CCDC63: variants seen among roughly 807,000 people sequenced by gnomAD.
CCDC63 encodes coiled-coil domain-containing protein 63.
Under a neutral mutation model 63.6 loss-of-function variants are expected in CCDC63, and 54 were observed. That is an observed-to-expected ratio of 0.85 (90% CI 0.68 to 1.07). The LOEUF is 1.07. Among genes scored for constraint, CCDC63 ranks in the 50% least tolerant of loss-of-function variants. The probability of loss-of-function intolerance (pLI) is 0.00; values close to 1 mark genes in which losing one functional copy is unlikely to be tolerated. For synonymous variants in CCDC63, 253 were observed against 266.1 expected (o/e 0.95, Z 0.48); for missense variants, 637 against 689.6 (o/e 0.92, Z 0.86).
chr12:110,893,232 C>T, intron 9 of CCDC63, 82 bp downstream of exon 9: 4 of 1,160,804 alleles, frequency 3.4e-6, no homozygotes, highest in Non-Finnish European at 5.1e-6. Flanking sequence ...GTCTGTCTGT[C>T]CGTCGGGCAT....
At chr12:110,868,428 C>G (rs908192803) in intron 4 of CCDC63, among the ~76,000 whole-genome samples, 1 of 150,692 alleles carries the variant, frequency 6.6e-6, no homozygotes, top group Non-Finnish European at 1.5e-5. Context: ...CCACTGCACT[C>G]CAGTCTGGGC....
At chr12:110,845,356 G>C (rs905878825), upstream of CCDC63, among the ~76,000 whole-genome samples, 5 of 152,114 alleles carry the variant, frequency 3.3e-5, no homozygotes, top group African/African-American at 4.8e-5. Flanking sequence ...TTGGGGCTGT[G>C]GTTTCAGTCA....
intron 10 of CCDC63, 131 bp downstream of exon 10, chr12:110,899,256 C>G: frequency 2.6e-6 from 2 of 765,448 alleles, no homozygotes; most frequent in South Asian, 4.1e-5. Flanking sequence ...GCCAGCCTGC[C>G]TGGGTTTGAA....
rs2071452617 is a variant in CCDC63, at chr12:110,899,106, C to G, written c.1323C>G (p.Ile441Met). 6.2e-7 allele frequency: 1 copy of G among 1,612,052 alleles called. No individual in the cohort carries two copies. Among genetic ancestry groups the G allele is most frequent in the Non-Finnish European group, 8.5e-7 (1 of 1,179,256 alleles). ...GGGAGACGGGGAAAGTCACTGACATCAACCTTCCGCAGTATTTTGGTGAGT... is the reference window on the plus strand; with the variant it reads ...GGGAGACGGGGAAAGTCACTGACATGAACCTTCCGCAGTATTTTGGTGAGT... ...QLGETGKVTD[I>M]NLPQYFAIIE... The change falls in exon 10 of 12, where the codon ATC (isoleucine) becomes ATG (methionine). Residue 441 changes from isoleucine (I) to methionine (M), a missense_variant. Coordinates refer to ENST00000308208, the MANE Select transcript of CCDC63 (RefSeq NM_152591.3).
chr12:110,894,976 G>T (rs927597145), intron 9 of CCDC63, among the ~76,000 whole-genome samples: 5 of 151,002 alleles, frequency 3.3e-5, no homozygotes, highest in Non-Finnish European at 7.4e-5. Flanking sequence ...GTGCAGTGGC[G>T]CGATCTCCGC....
chr12:110,870,378 A>G (rs1252407503), intron 4 of CCDC63, among the ~76,000 whole-genome samples: 1 of 152,316 alleles, frequency 6.6e-6, no homozygotes, highest in African/African-American at 2.4e-5. Context: ...CACAGCACCC[A>G]GTCCTTTATT....
chr12:110,855,346 C>T (rs1052807558), intron 3 of CCDC63, among the ~76,000 whole-genome samples: 5 of 152,184 alleles, frequency 3.3e-5, no homozygotes, highest in Non-Finnish European at 2.9e-5. Flanking sequence ...AGGCCACAAC[C>T]TGCACATCTG....
intron 4 of CCDC63, among the ~76,000 whole-genome samples, chr12:110,869,191 T>C (rs2071030163): frequency 6.6e-6 from 1 of 152,208 alleles, no homozygotes; most frequent in East Asian, 1.9e-4. Context: ...ACAAACTTTA[T>C]ATTTCACAAC....
At chr12:110,856,665 T>TCAGA (rs1345102297) in intron 3 of CCDC63, among the ~76,000 whole-genome samples, 1 of 63,852 alleles carries the variant, frequency 1.6e-5, no homozygotes, top group Non-Finnish European at 3.0e-5. Flanking sequence ...TATGGGCCCC[T>TCAGA]CAGAGAACAT....
At chr12:110,901,578 C>T (rs887956411) in intron 10 of CCDC63, among the ~76,000 whole-genome samples, 31 of 151,940 alleles carry the variant, frequency 2.0e-4, no homozygotes, top group African/African-American at 6.8e-4. Flanking sequence ...CCACCTCCCT[C>T]CCACCTGCCA....
At chr12:110,884,646 G>A (rs1197839412) in intron 8 of CCDC63, among the ~76,000 whole-genome samples, 1 of 152,028 alleles carries the variant, frequency 6.6e-6, no homozygotes, top group Non-Finnish European at 1.5e-5. Flanking sequence ...AAAGTACTGA[G>A]ATTACAAGTG....
At chr12:110,880,121 C>G (rs1373020517) in intron 6 of CCDC63, 34 bp downstream of exon 6, 1 of 1,586,482 alleles carries the variant, frequency 6.3e-7, no homozygotes, top group Non-Finnish European at 8.6e-7. Flanking sequence ...GCAGCGAGGT[C>G]TCTTAGCCCC....
intron 9 of CCDC63, among the ~76,000 whole-genome samples, chr12:110,897,494 A>AGGCTGAGGCAGGAGGATC (rs1254600145): frequency 6.6e-6 from 1 of 151,980 alleles, no homozygotes; most frequent in East Asian, 1.9e-4. Context: ...TCTGCTCATG[A>AGGCTGAGGCAGGAGGATC]GGCTGAGGCA....
At chr12:110,896,722 G>A (rs979003526) in intron 9 of CCDC63, among the ~76,000 whole-genome samples, 1 of 152,158 alleles carries the variant, frequency 6.6e-6, no homozygotes, top group Non-Finnish European at 1.5e-5. Context: ...CCCAGGCTGC[G>A]CCCCAGGCCA....
Position 110,858,592 on chromosome 12 carries a change from G to C in CCDC63, c.186G>C (p.Glu62Asp). 6.2e-7 allele frequency: 1 copy of C among 1,611,382 alleles called. No homozygotes were observed. The highest frequency in any genetic ancestry group is 1.1e-5 in the South Asian group (1 of 90,596). The part of the protein sequence containing the change: ...NQQKIASQYK[E>D]IKTLKTEQDE... ...TGGGCTGCTTTTCCAACAGCAAGGA[G>C]ATCAAGACCCTGAAGACAGAGCAGG... Residue 62 changes from glutamate to aspartate, a missense_variant, in exon 4 of 12, where the codon GAG becomes GAC. Glu to Asp is a conservative substitution (Grantham distance 45). Coordinates refer to ENST00000308208, the MANE Select transcript of CCDC63 (RefSeq NM_152591.3).
At position 110,884,283 on chromosome 12, in the gene CCDC63, C is replaced by G. The variant is rs867513488; in HGVS notation, c.1074+33C>G. 15 of 1,553,380 alleles carry G rather than the reference C, an allele frequency of 9.7e-6. No homozygotes were observed. The Middle Eastern group carries it at 7.5e-4, about 77-fold the overall frequency. ...CGGCTCTGCTTTCCCAGGCCCTGGG[C>G]CCCTGTGTCCACAGCAGCCTTTCCA... is the stretch of plus-strand genomic sequence containing the variant. On this transcript the variant is annotated intron_variant, in intron 8 of 11. Coordinates refer to ENST00000308208, the MANE Select transcript of CCDC63 (RefSeq NM_152591.3).
chr12:110,898,824 C>T (rs1592787687), intron 9 of CCDC63, 109 bp from the exon 10 acceptor site: 1 of 686,010 alleles, frequency 1.5e-6, no homozygotes, highest in East Asian at 2.8e-5. Flanking sequence ...CTCGTGTCCC[C>T]TCAGAGGTTT....
upstream of CCDC63, among the ~76,000 whole-genome samples, chr12:110,846,556 CTTTAT>C (rs1168713321): frequency 2.6e-5 from 4 of 151,638 alleles, no homozygotes; most frequent in South Asian, 2.1e-4. Flanking sequence ...TTTATTTTTA[CTTTAT>C]TTTATTTTTC....
intron 1 of CCDC63, among the ~76,000 whole-genome samples, chr12:110,848,654 G>A (rs578246446): frequency 2.0e-4 from 30 of 152,282 alleles, no homozygotes; most frequent in South Asian, 1.5e-3. Context: ...TTCGCCCAGC[G>A]TCTGTCATGA....
Sources: allele counts gnomAD v4.1 joint callset (sites outside exome capture counted in the v4.1 genomes callset), GRCh38; gene constraint gnomAD v4.1.1; transcripts MANE v1.5; gene names NCBI Gene and HGNC (gene_info 2026-07-23, HGNC 2026-07-21).